Variants in RIMS3 observed in about 807,000 individuals in gnomAD.
The protein encoded by RIMS3 is regulating synaptic membrane exocytosis 3.
A neutral mutation model predicts 29.2 loss-of-function variants in RIMS3; 15 were observed. The observed-to-expected ratio is 0.51, with a 90% CI of 0.34 to 0.79. The LOEUF (loss-of-function observed/expected upper bound fraction) is 0.79, where lower values mean the gene tolerates loss of function less well. Ranked by LOEUF, RIMS3 falls within the 30% of genes least tolerant of loss-of-function variation. RIMS3 has a pLI of 0.01. For synonymous variants in RIMS3, 161 were observed against 170.1 expected (o/e 0.95, Z 0.41); for missense variants, 342 against 421.4 (o/e 0.81, Z 1.65).
chr1:40,630,629 C>T (rs1646483686), intron 5 of RIMS3, among the ~76,000 whole-genome samples: 1 of 152,216 alleles, frequency 6.6e-6, no homozygotes, highest in African/African-American at 2.4e-5. Context: ...AAGGGAAGGT[C>T]TTAGGAATTA....
chr1:40,640,839 C>T (rs145536507), intron 3 of RIMS3, among the ~76,000 whole-genome samples: 60 of 152,316 alleles, frequency 3.9e-4, no homozygotes, highest in African/African-American at 1.4e-3. Context: ...TGTACACCTG[C>T]ACACATGTGA....
At chr1:40,653,992 C>T (rs1453716371) in intron 1 of RIMS3, among the ~76,000 whole-genome samples, 1 of 152,124 alleles carries the variant, frequency 6.6e-6, no homozygotes, top group African/African-American at 2.4e-5. Context: ...GCAGGCTCAT[C>T]CTGAGAGGCA....
Position 40,626,438 on chromosome 1 carries a change from G to C in RIMS3, c.*79C>G. ...CAGGACAAGGGGTCCAGAAAGACAC[G>C]AAGACTATGTACAGGGGAGGACATG... On this transcript the variant is annotated 3_prime_UTR_variant, in exon 8 of 8. Transcript: ENST00000372684. 2 of 1,316,408 alleles carry C rather than the reference G, an allele frequency of 1.5e-6. No homozygotes were observed. The highest frequency in any genetic ancestry group is 2.1e-6 in the Non-Finnish European group (2 of 936,326). The allele number at this position is 1,316,408 out of a possible 1,614,324, so 81.5% of individuals were successfully genotyped here. A position where few individuals can be genotyped will look rare whatever the true frequency, so the allele number is the denominator to read the frequency against.
chr1:40,682,432 G>A, the RIMS3 span, among the ~76,000 whole-genome samples: 1 of 151,990 alleles, frequency 6.6e-6, no homozygotes, highest in African/African-American at 2.4e-5. Context: ...CCCCACCTTT[G>A]GCTTCACACC....
At chr1:40,679,133 A>G in the RIMS3 span, among the ~76,000 whole-genome samples, 1 of 152,198 alleles carries the variant, frequency 6.6e-6, no homozygotes, top group Non-Finnish European at 1.5e-5. Context: ...CAGCTACCCA[A>G]CTGCTGCCCC....
chr1:40,630,951 C>T (rs1164863316), intron 5 of RIMS3, among the ~76,000 whole-genome samples: 1 of 152,196 alleles, frequency 6.6e-6, no homozygotes, highest in Non-Finnish European at 1.5e-5. Context: ...CAGGCAGGAG[C>T]TCCTGGGCAG....
chr1:40,674,426 G>A, the RIMS3 span, among the ~76,000 whole-genome samples: 2 of 152,198 alleles, frequency 1.3e-5, no homozygotes, highest in African/African-American at 4.8e-5. Flanking sequence ...GACTTGAGCA[G>A]ATAGGGCCAG....
chr1:40,682,620 A>G, the RIMS3 span, among the ~76,000 whole-genome samples: 1 of 152,158 alleles, frequency 6.6e-6, no homozygotes, highest in Non-Finnish European at 1.5e-5. Flanking sequence ...GCAGATGTAC[A>G]AAAGGTAGAT....
the RIMS3 span, among the ~76,000 whole-genome samples, chr1:40,681,095 G>T: frequency 6.6e-6 from 1 of 152,110 alleles, no homozygotes; most frequent in Non-Finnish European, 1.5e-5. Context: ...CTGTCTACTG[G>T]AATATTTCAT....
chr1:40,661,837 T>C (rs912387666), intron 1 of RIMS3, among the ~76,000 whole-genome samples: 8 of 152,218 alleles, frequency 5.3e-5, no homozygotes, highest in Non-Finnish European at 7.3e-5. Flanking sequence ...ACCCTGCCTC[T>C]TGCCCTCTGG....
At chr1:40,672,194 ATT>A in the RIMS3 span, among the ~76,000 whole-genome samples, 168 of 106,972 alleles carry the variant, frequency 1.6e-3, no homozygotes, top group South Asian at 6.3e-3. Context: ...TAGCTAGATG[ATT>A]TTTTTTTTTT....
chr1:40,641,813 C>A lies in RIMS3; in HGVS notation c.113G>T (p.Gly38Val). Reference sequence around the variant, plus strand: ...CCGCCGCTTCTTGGCGGTGGTGGTCCCAGCCCCGCCCCCGGCTTGCTGGGA... The same window carrying A: ...CCGCCGCTTCTTGGCGGTGGTGGTCACAGCCCCGCCCCCGGCTTGCTGGGA... The part of the protein sequence containing the change: ...CGSQQAGGGA[G>V]TTTAKKRRSS... The change falls in exon 3 of 8, where the codon GGG becomes GTG. Residue 38 changes from glycine to valine, a missense_variant. Coordinates refer to ENST00000372684, the MANE Select transcript of RIMS3 (RefSeq NM_014747.3). The A allele has an allele frequency of 6.2e-7, 1 of 1,612,918 alleles. No homozygotes were observed. Among genetic ancestry groups the A allele is most frequent in the Non-Finnish European group, 8.5e-7 (1 of 1,178,932 alleles).
At position 40,623,711 on chromosome 1, in the gene RIMS3, C is replaced by G. The variant is rs904254908; in HGVS notation, c.*2806G>C. Reference sequence around the variant, plus strand: ...ATGCTCCCCCACCCCAGCAAACAACCAGGAGTTACACTTGTGCATTCTCCT... The same window carrying G: ...ATGCTCCCCCACCCCAGCAAACAACGAGGAGTTACACTTGTGCATTCTCCT... On this transcript the variant is annotated 3_prime_UTR_variant, in exon 8 of 8. Coordinates refer to ENST00000372684, the MANE Select transcript of RIMS3 (RefSeq NM_014747.3). The G allele has an allele frequency of 2.5e-6, 1 of 393,372 alleles. No individual in the cohort carries two copies. The highest frequency in any genetic ancestry group is 4.5e-6 in the Non-Finnish European group (1 of 223,904). The allele number at this position is 393,372 out of a possible 1,614,324, so 24.4% of individuals were successfully genotyped here.
chr1:40,622,730 A>G lies in RIMS3; in HGVS notation c.*3787T>C, dbSNP rs1356601836. On this transcript the variant is annotated 3_prime_UTR_variant, in exon 8 of 8. Transcript: ENST00000372684. ...CAGAGTTTGCACAGTGCTAGAGGCA[A>G]CCAGAGAGACACAAAAGAGGAGCAT... is the stretch of plus-strand genomic sequence containing the variant. 6.5e-6 allele frequency: 1 copy of G among 152,700 alleles called. No individual in the cohort carries two copies. The highest frequency in any genetic ancestry group is 1.5e-5 in the Non-Finnish European group (1 of 68,096). The allele number at this position is 152,700 out of a possible 1,614,324, so 9.5% of individuals were successfully genotyped here. A position where few individuals can be genotyped will look rare whatever the true frequency, so the allele number is the denominator to read the frequency against.
intron 1 of RIMS3, among the ~76,000 whole-genome samples, chr1:40,651,279 G>A (rs567712896): frequency 3.9e-5 from 6 of 152,328 alleles, no homozygotes; most frequent in South Asian, 2.1e-4. Flanking sequence ...AGGTGGCCAC[G>A]TGAAGACAGA....
At chr1:40,637,716 C>T (rs140857591) in intron 3 of RIMS3, among the ~76,000 whole-genome samples, 1 of 152,326 alleles carries the variant, frequency 6.6e-6, no homozygotes, top group East Asian at 1.9e-4. Flanking sequence ...AGTCAAGTCA[C>T]AGACACATGA....
At chr1:40,661,880 A>G (rs993357497) in intron 1 of RIMS3, among the ~76,000 whole-genome samples, 1 of 152,198 alleles carries the variant, frequency 6.6e-6, no homozygotes, top group Non-Finnish European at 1.5e-5. Context: ...CCTGGCCCCA[A>G]GGGCTGAGCT....
the RIMS3 span, among the ~76,000 whole-genome samples, chr1:40,685,848 A>C: frequency 6.6e-6 from 1 of 151,996 alleles, no homozygotes; most frequent in African/African-American, 2.4e-5. Context: ...CTTTAAAGAA[A>C]AAAAAAAAAA....
intron 1 of RIMS3, among the ~76,000 whole-genome samples, chr1:40,664,722 G>C (rs1045892421): frequency 6.6e-6 from 1 of 152,138 alleles, no homozygotes; most frequent in South Asian, 2.1e-4. Flanking sequence ...GTTGTCCAGA[G>C]GTGATGGGGA....
Sources: allele counts gnomAD v4.1 joint callset (sites outside exome capture counted in the v4.1 genomes callset), GRCh38; gene constraint gnomAD v4.1.1; transcripts MANE v1.5; gene names NCBI Gene and HGNC (gene_info 2026-07-23, HGNC 2026-07-21).